Variants in ROBO2 observed in about 807,000 individuals in gnomAD.
ROBO2 encodes the protein roundabout homolog 2.
ROBO2 carries 53 observed loss-of-function variants against 160.8 expected under a neutral mutation model. That is an observed-to-expected ratio of 0.33 (90% CI 0.26 to 0.41). The LOEUF (loss-of-function observed/expected upper bound fraction) is 0.41. ROBO2 is among the 10% of genes least tolerant of loss of function. ROBO2 has a pLI of 1.00. For synonymous variants in ROBO2, 664 were observed against 611.7 expected (o/e 1.09, Z -1.26); for missense variants, 1,577 against 1,722.4 (o/e 0.92, Z 1.49).
At chr3:76,455,916 C>A (rs1559976847) in intron 2 of ROBO2, among the ~76,000 whole-genome samples, 1 of 152,110 alleles carries the variant, frequency 6.6e-6, no homozygotes, top group African/African-American at 2.4e-5. Context: ...ACAGAGAAAT[C>A]ATTCATTATG....
intron 2 of ROBO2, among the ~76,000 whole-genome samples, chr3:76,936,855 T>C (rs892986033): frequency 6.6e-6 from 1 of 151,756 alleles, no homozygotes; most frequent in African/African-American, 2.4e-5. Context: ...AAACACCTAG[T>C]TAAATATATA....
intron 2 of ROBO2, among the ~76,000 whole-genome samples, chr3:77,159,477 TC>T (rs143739142): frequency 0.013 from 1,990 of 152,250 alleles, 64 homozygotes; most frequent in African/African-American, 0.045. Flanking sequence ...ACCCAGCTCT[TC>T]CATAGTGGAT....
At chr3:75,937,795 T>C (rs1459387188) in intron 2 of ROBO2, among the ~76,000 whole-genome samples, 1 of 147,558 alleles carries the variant, frequency 6.8e-6, no homozygotes, top group East Asian at 2.0e-4. Flanking sequence ...TGCATCAAAA[T>C]TGAAGCCATC....
chr3:76,081,214 A>G lies in ROBO2; in HGVS notation c.109+143612A>G, dbSNP rs183900035. Among the ~76,000 whole-genome samples the G allele has an allele frequency of 1.9e-3, 285 of 152,094 alleles. 9 individuals carry two copies. The East Asian group carries it at 0.049, about 26-fold the overall frequency. ...GTACAAACTACATTTTTAAGCAGGC[A>G]TTACTTAGATGCCTACTAAATGGAA... On this transcript the variant is annotated intron_variant, in intron 2 of 26. Coordinates refer to the ROBO2 transcript ENST00000487694.
chr3:76,812,869 C>G (rs2109015700), intron 2 of ROBO2, among the ~76,000 whole-genome samples: 1 of 143,604 alleles, frequency 7.0e-6, no homozygotes, highest in Non-Finnish European at 1.5e-5. Context: ...TAAATGTAAT[C>G]TGTTTCCTAC....
At chr3:76,232,650 A>G (rs1244346639) in intron 2 of ROBO2, among the ~76,000 whole-genome samples, 1 of 152,174 alleles carries the variant, frequency 6.6e-6, no homozygotes, top group Non-Finnish European at 1.5e-5. Flanking sequence ...TTTAAACAGT[A>G]ATTCCATCTT....
chr3:76,686,855 A>G (rs997092792), intron 2 of ROBO2, among the ~76,000 whole-genome samples: 1 of 152,096 alleles, frequency 6.6e-6, no homozygotes, highest in Non-Finnish European at 1.5e-5. Flanking sequence ...AGCTACAGCT[A>G]TGTCATTGCA....
chr3:76,807,789 T>G (rs1477825354), intron 2 of ROBO2, among the ~76,000 whole-genome samples: 4 of 152,082 alleles, frequency 2.6e-5, no homozygotes, highest in African/African-American at 9.7e-5. Flanking sequence ...AGATGTTGAC[T>G]GCTTTAAACA....
intron 2 of ROBO2, among the ~76,000 whole-genome samples, chr3:76,593,844 G>A (rs1319531912): frequency 1.3e-5 from 2 of 151,810 alleles, no homozygotes; most frequent in Non-Finnish European, 2.9e-5. Flanking sequence ...ATATTTGGAA[G>A]CAGGTATATA....
chr3:76,956,990 C>T (rs1266113046), intron 2 of ROBO2, among the ~76,000 whole-genome samples: 1 of 152,010 alleles, frequency 6.6e-6, no homozygotes, highest in East Asian at 1.9e-4. Flanking sequence ...GATTATTATG[C>T]CGTGAAAAAT....
chr3:76,353,400 A>G (rs1297250793), intron 2 of ROBO2, among the ~76,000 whole-genome samples: 1 of 151,986 alleles, frequency 6.6e-6, no homozygotes, highest in Non-Finnish European at 1.5e-5. Flanking sequence ...CTTAAAAATT[A>G]ATATCCCATT....
At chr3:76,179,902 C>G (rs767796503) in intron 2 of ROBO2, among the ~76,000 whole-genome samples, 4 of 152,064 alleles carry the variant, frequency 2.6e-5, no homozygotes, top group Non-Finnish European at 4.4e-5. Flanking sequence ...ATTATAAGCT[C>G]CTTAAGGACA....
chr3:77,601,418 T>C (rs2094427507), intron 19 of ROBO2, among the ~76,000 whole-genome samples: 1 of 152,218 alleles, frequency 6.6e-6, no homozygotes, highest in Admixed American at 6.5e-5. Flanking sequence ...GCAGCAGTTC[T>C]GAATTATAAA....
intron 5 of ROBO2, among the ~76,000 whole-genome samples, chr3:77,499,794 G>A (rs1333856378): frequency 3.3e-5 from 5 of 151,454 alleles, no homozygotes; most frequent in South Asian, 2.1e-4. Flanking sequence ...GACTATAGGC[G>A]CCCACCACCA....
chr3:76,250,050 C>A (rs1243433890), intron 2 of ROBO2, among the ~76,000 whole-genome samples: 1 of 152,038 alleles, frequency 6.6e-6, no homozygotes, highest in East Asian at 1.9e-4. Context: ...TGTGGAGGGT[C>A]TCCTGGGACC....
intron 2 of ROBO2, among the ~76,000 whole-genome samples, chr3:77,431,303 G>A (rs907994498): frequency 6.6e-6 from 1 of 152,098 alleles, no homozygotes; most frequent in Admixed American, 6.5e-5. Flanking sequence ...TCAGGAATGT[G>A]TCCTTTGATA....
At chr3:75,994,699 G>A (rs78947933) in intron 2 of ROBO2, among the ~76,000 whole-genome samples, 46 of 152,284 alleles carry the variant, frequency 3.0e-4, no homozygotes, top group Admixed American at 4.6e-4. Flanking sequence ...CAGGAGTCAC[G>A]TACTGCTATA....
At chr3:76,632,690 A>G (rs2109485205) in intron 2 of ROBO2, among the ~76,000 whole-genome samples, 1 of 152,356 alleles carries the variant, frequency 6.6e-6, no homozygotes, top group African/African-American at 2.4e-5. Context: ...CTAACTAGAA[A>G]TAAATCACAA....
At chr3:77,551,472 G>A (rs947806871) in intron 8 of ROBO2, among the ~76,000 whole-genome samples, 4 of 151,920 alleles carry the variant, frequency 2.6e-5, no homozygotes, top group Non-Finnish European at 5.9e-5. Flanking sequence ...TCAAAGTGCT[G>A]AACAATGCTA....
Sources: gnomAD v4.1 joint callset for allele counts (sites outside exome capture counted in the v4.1 genomes callset) on GRCh38, gnomAD v4.1.1 for gene constraint, MANE v1.5 for transcripts, NCBI Gene and HGNC (gene_info 2026-07-23, HGNC 2026-07-21) for gene names.